RAD51B: variants seen among roughly 807,000 people sequenced by gnomAD.
RAD51B encodes the protein RAD51 paralog B, also known as DNA repair protein RAD51 homolog 2.
In RAD51B, 38 loss-of-function variants were observed where a neutral mutation model predicts 42.2. The ratio of observed to expected loss-of-function variants is 0.90; its 90% CI spans 0.70 to 1.18. The LOEUF is 1.18. RAD51B is among the 50% of genes most tolerant of loss of function. The pLI is 0.00. For missense variants in RAD51B, 373 were observed against 400.7 expected (o/e 0.93, Z 0.59); for synonymous variants, 154 against 145.2 (o/e 1.06, Z -0.43).
intron 7 of RAD51B, among the ~76,000 whole-genome samples, chr14:67,983,293 T>C (rs1022333043): frequency 6.6e-6 from 1 of 152,104 alleles, no homozygotes; most frequent in African/African-American, 2.4e-5. Context: ...CAAATCTCAT[T>C]GGTCTCTTTA....
intron 7 of RAD51B, among the ~76,000 whole-genome samples, chr14:68,115,310 C>T (rs1463624336): frequency 1.4e-4 from 18 of 130,354 alleles, no homozygotes; most frequent in African/African-American, 6.4e-4. Flanking sequence ...AAACCAAACA[C>T]GGCATATTCT....
At chr14:68,040,307 T>C (rs919613622) in intron 7 of RAD51B, among the ~76,000 whole-genome samples, 2 of 152,236 alleles carry the variant, frequency 1.3e-5, no homozygotes, top group African/African-American at 4.8e-5. Flanking sequence ...TCCCAAACTT[T>C]AGTCAACTGA....
At chr14:68,431,879 C>A (rs180827806) in intron 9 of RAD51B, among the ~76,000 whole-genome samples, 1 of 152,000 alleles carries the variant, frequency 6.6e-6, no homozygotes, top group Non-Finnish European at 1.5e-5. Flanking sequence ...CTTTCTCTTG[C>A]GGGCATTTAG....
intron 7 of RAD51B, among the ~76,000 whole-genome samples, chr14:68,142,142 T>G (rs971127851): frequency 3.5e-5 from 5 of 144,898 alleles, no homozygotes; most frequent in Admixed American, 1.4e-4. Flanking sequence ...TAATGAAGTG[T>G]TTTTTTTTTA....
chr14:68,644,193 C>T (rs1290409781), intron 10 of RAD51B, among the ~76,000 whole-genome samples: 5 of 152,262 alleles, frequency 3.3e-5, no homozygotes, highest in Non-Finnish European at 7.3e-5. Context: ...TGAGCACCTA[C>T]TGAGCTCAGT....
chr14:68,033,852 A>G (rs571701740), intron 7 of RAD51B, among the ~76,000 whole-genome samples: 3 of 152,366 alleles, frequency 2.0e-5, no homozygotes, highest in Admixed American at 2.0e-4. Context: ...AAGCTGAAAC[A>G]TAAACTGTCA....
At chr14:68,645,075 C>T (rs1251359618) in intron 10 of RAD51B, among the ~76,000 whole-genome samples, 2 of 152,172 alleles carry the variant, frequency 1.3e-5, no homozygotes, top group Non-Finnish European at 1.5e-5. Flanking sequence ...TATTGTGCAA[C>T]CATCACCACC....
chr14:68,132,145 A>G (rs2077905460), intron 7 of RAD51B, among the ~76,000 whole-genome samples: 1 of 152,166 alleles, frequency 6.6e-6, no homozygotes, highest in African/African-American at 2.4e-5. Flanking sequence ...TTAAGATTCA[A>G]AACTAGGGGA....
intron 7 of RAD51B, among the ~76,000 whole-genome samples, chr14:67,910,582 A>G (rs2140112876): frequency 6.6e-6 from 1 of 151,926 alleles, no homozygotes; most frequent in East Asian, 1.9e-4. Flanking sequence ...GTCAGTGTCG[A>G]TGCCTTTTAA....
intron 8 of RAD51B, among the ~76,000 whole-genome samples, chr14:68,293,337 G>C: frequency 6.6e-6 from 1 of 152,190 alleles, no homozygotes; most frequent in East Asian, 1.9e-4. Context: ...TTGTTAGCTT[G>C]AAATCAGCCA....
intron 7 of RAD51B, among the ~76,000 whole-genome samples, chr14:68,280,775 A>G (rs932685494): frequency 1.3e-5 from 2 of 152,142 alleles, no homozygotes; most frequent in Non-Finnish European, 1.5e-5. Context: ...GGTATTATCT[A>G]GGGCAAGGTG....
At chr14:68,585,164 A>G (rs1350662582) in intron 10 of RAD51B, among the ~76,000 whole-genome samples, 2 of 152,130 alleles carry the variant, frequency 1.3e-5, no homozygotes, top group African/African-American at 2.4e-5. Context: ...TGTGTACTCT[A>G]TTATTTAAGT....
intron 8 of RAD51B, among the ~76,000 whole-genome samples, chr14:68,368,550 T>A (rs1594738700): frequency 6.6e-6 from 1 of 152,356 alleles, no homozygotes; most frequent in East Asian, 1.9e-4. Flanking sequence ...GATTTCATCT[T>A]CCATTCAACT....
intron 9 of RAD51B, among the ~76,000 whole-genome samples, chr14:68,465,133 A>G (rs2085942572): frequency 6.6e-6 from 1 of 152,242 alleles, no homozygotes; most frequent in South Asian, 2.1e-4. Context: ...TTTTAAAAAT[A>G]TAGCATGATA....
chr14:68,331,089 C>T (rs2082337152), intron 8 of RAD51B, among the ~76,000 whole-genome samples: 1 of 151,994 alleles, frequency 6.6e-6, no homozygotes, highest in Non-Finnish European at 1.5e-5. Flanking sequence ...GCTGGCCGGG[C>T]GCGGTGGCTC....
intron 8 of RAD51B, among the ~76,000 whole-genome samples, chr14:68,390,572 C>A (rs1429160147): frequency 6.6e-6 from 1 of 152,260 alleles, no homozygotes; most frequent in South Asian, 2.1e-4. Flanking sequence ...TGTCTGGGAC[C>A]CTTGGAGACA....
intron 1 of RAD51B, 129 bp from the exon 2 acceptor site, chr14:67,823,411 AAT>A (rs1231344820): frequency 7.9e-6 from 5 of 629,874 alleles, no homozygotes; most frequent in African/African-American, 7.4e-5. Context: ...TTTTTAACAC[AAT>A]ATGTTTCATT....
chr14:68,518,575 C>T (rs955887503), intron 10 of RAD51B, among the ~76,000 whole-genome samples: 2 of 150,938 alleles, frequency 1.3e-5, no homozygotes, highest in Non-Finnish European at 3.0e-5. Context: ...AGGCCTCCCC[C>T]ATCCACTTTC....
chr14:67,830,489 C>T (rs1181928550), intron 3 of RAD51B, among the ~76,000 whole-genome samples: 2 of 152,002 alleles, frequency 1.3e-5, no homozygotes, highest in African/African-American at 2.4e-5. Context: ...GCAATCTCTG[C>T]CTTCTGGGTT....
Sources: allele counts gnomAD v4.1 joint callset (sites outside exome capture counted in the v4.1 genomes callset), GRCh38; gene constraint gnomAD v4.1.1; transcripts MANE v1.5; gene names NCBI Gene and HGNC (gene_info 2026-07-23, HGNC 2026-07-21).